DGKI: variants seen among roughly 807,000 people sequenced by gnomAD.
The protein encoded by DGKI is diacylglycerol kinase iota, also known as DAG kinase iota.
DGKI carries 55 observed loss-of-function variants against 147.5 expected under a neutral mutation model. That is an observed-to-expected ratio of 0.37 (90% CI 0.30 to 0.47). The LOEUF is 0.47. Ranked by LOEUF, DGKI falls within the 20% of genes least tolerant of loss-of-function variation. DGKI has a pLI of 1.00. For missense variants in DGKI, 1,007 were observed against 1,323.8 expected (o/e 0.76, Z 3.71); for synonymous variants, 469 against 477.1 (o/e 0.98, Z 0.22).
At chr7:137,778,721 G>A (rs1348106522) in intron 1 of DGKI, among the ~76,000 whole-genome samples, 1 of 152,156 alleles carries the variant, frequency 6.6e-6, no homozygotes, top group African/African-American at 2.4e-5. Flanking sequence ...ATATTTGACT[G>A]TTAGCACTCC....
At chr7:137,723,175 C>T (rs975955959) in intron 1 of DGKI, among the ~76,000 whole-genome samples, 1 of 152,178 alleles carries the variant, frequency 6.6e-6, no homozygotes, top group Non-Finnish European at 1.5e-5. Context: ...CTTCATGGAA[C>T]CCTTAGACAA....
chr7:137,724,572 C>G (rs1230746903), intron 1 of DGKI, among the ~76,000 whole-genome samples: 1 of 152,096 alleles, frequency 6.6e-6, no homozygotes, highest in Non-Finnish European at 1.5e-5. Context: ...TATTAATGAA[C>G]TAATGATGAA....
chr7:137,814,220 C>G (rs905909847), intron 1 of DGKI, among the ~76,000 whole-genome samples: 5 of 152,306 alleles, frequency 3.3e-5, no homozygotes, highest in Admixed American at 2.0e-4. Flanking sequence ...GAAGCCTTTT[C>G]TCTAACAGCA....
intron 12 of DGKI, among the ~76,000 whole-genome samples, chr7:137,592,648 C>T (rs555519018): frequency 5.9e-5 from 9 of 152,210 alleles, no homozygotes; most frequent in South Asian, 4.1e-4. Flanking sequence ...GGCCAAAAAG[C>T]GAAGGACACT....
intron 20 of DGKI, among the ~76,000 whole-genome samples, chr7:137,543,832 C>T (rs1316061288): frequency 6.6e-6 from 1 of 152,170 alleles, no homozygotes; most frequent in African/African-American, 2.4e-5. Flanking sequence ...TCAAGGCTAT[C>T]CGCACTGCCA....
intron 27 of DGKI, among the ~76,000 whole-genome samples, chr7:137,455,329 G>A (rs1218304478): frequency 1.3e-5 from 2 of 151,454 alleles, no homozygotes; most frequent in Non-Finnish European, 2.9e-5. Context: ...GGAGCTCTGT[G>A]AAAAAAAATA....
chr7:137,455,346 A>G (rs1814150677), intron 27 of DGKI, among the ~76,000 whole-genome samples: 1 of 152,142 alleles, frequency 6.6e-6, no homozygotes. Flanking sequence ...AATATAATGA[A>G]TGCAGATAAA....
chr7:137,402,212 G>T (rs1811786348), intron 30 of DGKI, among the ~76,000 whole-genome samples: 1 of 152,210 alleles, frequency 6.6e-6, no homozygotes, highest in African/African-American at 2.4e-5. Flanking sequence ...ATGTTTTAAT[G>T]AATGAATGAA....
chr7:137,832,876 G>A (rs1237780586), intron 1 of DGKI, among the ~76,000 whole-genome samples: 2 of 152,140 alleles, frequency 1.3e-5, no homozygotes, highest in Non-Finnish European at 2.9e-5. Flanking sequence ...TTTCTTTTAT[G>A]AGATACCACA....
At chr7:137,452,919 G>A (rs1814030645) in intron 27 of DGKI, 1 of 152,120 alleles carries the variant, frequency 6.6e-6, no homozygotes, top group South Asian at 2.1e-4. Context: ...TTCATGCCTG[G>A]TCAGCATTCC....
chr7:137,587,329 C>G (rs1003383858), intron 12 of DGKI, 119 bp from the exon 13 acceptor site: 1 of 710,512 alleles, frequency 1.4e-6, no homozygotes, highest in Non-Finnish European at 2.1e-6. Flanking sequence ...TTCTTTAAAA[C>G]ATGTATGTTT....
At chr7:137,591,240 GATAA>G (rs1388372604) in intron 12 of DGKI, among the ~76,000 whole-genome samples, 6 of 152,224 alleles carry the variant, frequency 3.9e-5, no homozygotes, top group South Asian at 4.2e-4. Context: ...TTATGAACCG[GATAA>G]ATAGATTCTT....
chr7:137,750,459 C>T (rs1404462590), intron 1 of DGKI, among the ~76,000 whole-genome samples: 1 of 152,040 alleles, frequency 6.6e-6, no homozygotes, highest in East Asian at 1.9e-4. Context: ...ATAGTAGGTG[C>T]TTAATAAATA....
chr7:137,548,172 C>T (rs2128964364), intron 20 of DGKI, among the ~76,000 whole-genome samples: 1 of 152,308 alleles, frequency 6.6e-6, no homozygotes, highest in Admixed American at 6.5e-5. Context: ...AGTAATGCTG[C>T]TGAGAGGTAG....
intron 2 of DGKI, among the ~76,000 whole-genome samples, chr7:137,679,369 T>C (rs1403423656): frequency 1.3e-5 from 2 of 151,626 alleles, no homozygotes; most frequent in African/African-American, 2.4e-5. Flanking sequence ...TCCAGAAATG[T>C]GTAGTGCGGT....
At chr7:137,508,489 G>A (rs1816452223) in intron 21 of DGKI, among the ~76,000 whole-genome samples, 1 of 152,012 alleles carries the variant, frequency 6.6e-6, no homozygotes, top group Non-Finnish European at 1.5e-5. Flanking sequence ...GCCTCCCAAA[G>A]TGCTGGGATT....
At chr7:137,512,867 T>C (rs1816624822) in intron 21 of DGKI, among the ~76,000 whole-genome samples, 2 of 152,154 alleles carry the variant, frequency 1.3e-5, no homozygotes, top group South Asian at 4.1e-4. Context: ...AATAAGATCA[T>C]ATTTTGGCCC....
chr7:137,441,882 A>G (rs1813524671), intron 28 of DGKI, among the ~76,000 whole-genome samples: 1 of 152,238 alleles, frequency 6.6e-6, no homozygotes, highest in South Asian at 2.1e-4. Context: ...TATTGTGTAC[A>G]AATAATATGT....
intron 21 of DGKI, among the ~76,000 whole-genome samples, chr7:137,509,143 A>G (rs1816480106): frequency 6.6e-6 from 1 of 152,220 alleles, no homozygotes; most frequent in South Asian, 2.1e-4. Context: ...CAATAATCAG[A>G]TACAATGGGT....
Sources: allele counts gnomAD v4.1 joint callset (sites outside exome capture counted in the v4.1 genomes callset), GRCh38; gene constraint gnomAD v4.1.1; transcripts MANE v1.5; gene names NCBI Gene and HGNC (gene_info 2026-07-23, HGNC 2026-07-21).